SAXO1: variants seen among roughly 807,000 people sequenced by gnomAD.
The protein encoded by SAXO1 is stabilizer of axonemal microtubules 1.
In SAXO1, 21 loss-of-function variants were observed where a neutral mutation model predicts 17.5. That is an observed-to-expected ratio of 1.20 (90% CI 0.85 to 1.72). The LOEUF (loss-of-function observed/expected upper bound fraction) is 1.72. Ranked by LOEUF, SAXO1 falls within the 40% of genes most tolerant of loss-of-function variation. SAXO1 has a pLI of 0.00. For missense variants in SAXO1, 843 were observed against 596.0 expected (o/e 1.41, Z -4.32); for synonymous variants, 274 against 216.5 (o/e 1.27, Z -2.33).
intron 1 of SAXO1, among the ~76,000 whole-genome samples, chr9:18,981,244 C>G (rs73645556): frequency 0.1 from 15,905 of 152,128 alleles, 1,302 homozygotes; most frequent in African/African-American, 0.24. Flanking sequence ...AGAGAAAGCC[C>G]CTACCCACCC....
chr9:18,963,422 C>T (rs891050029), intron 1 of SAXO1, among the ~76,000 whole-genome samples: 1 of 152,054 alleles, frequency 6.6e-6, no homozygotes, highest in Non-Finnish European at 1.5e-5. Flanking sequence ...GATACTGATT[C>T]TTCCTATCCA....
chr9:19,013,521 G>T (rs1002030217), intron 1 of SAXO1, among the ~76,000 whole-genome samples: 3 of 145,450 alleles, frequency 2.1e-5, no homozygotes, highest in Non-Finnish European at 4.5e-5. Context: ...TGGTATTTCA[G>T]AAGAAACTAA....
At chr9:18,981,512 G>T (rs1470997229) in intron 1 of SAXO1, among the ~76,000 whole-genome samples, 2 of 152,072 alleles carry the variant, frequency 1.3e-5, no homozygotes, top group Admixed American at 1.3e-4. Context: ...CTCACACAGA[G>T]CCCAGAGCCC....
At chr9:19,011,848 G>GT (rs10646825) in intron 1 of SAXO1, among the ~76,000 whole-genome samples, 8,426 of 143,384 alleles carry the variant, frequency 0.059, 495 homozygotes, top group African/African-American at 0.085. Context: ...ATTAAGCATA[G>GT]ATTTTTTTTT....
At chr9:19,046,335 A>T (rs1034744843) in intron 1 of SAXO1, among the ~76,000 whole-genome samples, 2 of 152,154 alleles carry the variant, frequency 1.3e-5, no homozygotes, top group Non-Finnish European at 2.9e-5. Context: ...GGATGAGAAA[A>T]ATCTCCTGGA....
intron 1 of SAXO1, among the ~76,000 whole-genome samples, chr9:18,959,904 C>T (rs1832415480): frequency 1.3e-5 from 2 of 152,254 alleles, no homozygotes; most frequent in South Asian, 4.2e-4. Context: ...ACACAGCTGG[C>T]CCAGTGCTGG....
At chr9:18,986,686 C>CA (rs1303453324) in intron 1 of SAXO1, among the ~76,000 whole-genome samples, 3 of 152,042 alleles carry the variant, frequency 2.0e-5, no homozygotes, top group Admixed American at 2.0e-4. Flanking sequence ...AAAATATCTA[C>CA]AAAATTCCAG....
chr9:18,972,708 G>T (rs775299597), intron 1 of SAXO1, among the ~76,000 whole-genome samples: 8 of 152,120 alleles, frequency 5.3e-5, no homozygotes, highest in Non-Finnish European at 8.8e-5. Flanking sequence ...GAAGCCCAGC[G>T]TACCAACAGA....
chr9:19,033,005 G>A lies in SAXO1; in HGVS notation c.-97C>T, dbSNP rs867752619. On this transcript the variant is annotated 5_prime_UTR_variant, in exon 1 of 4. Transcript: ENST00000380534. ...CCTGTCTTGGGGCACGCCCAGGCTC[G>A]AGGGTCTTGGCAGGTGTTCTGTTTA... 1.8e-5 allele frequency: 24 copies of A among 1,323,950 alleles called. No homozygotes were observed. The highest frequency in any genetic ancestry group is 2.4e-5 in the Non-Finnish European group (24 of 982,972). The allele number at this position is 1,323,950 out of a possible 1,614,324, so 82.0% of individuals were successfully genotyped here.
chr9:18,959,133 G>A (rs1012636559), intron 1 of SAXO1, among the ~76,000 whole-genome samples: 1 of 152,084 alleles, frequency 6.6e-6, no homozygotes, highest in African/African-American at 2.4e-5. Flanking sequence ...CTGAAGAAGT[G>A]GTTCAACAGA....
intron 1 of SAXO1, among the ~76,000 whole-genome samples, chr9:19,017,297 A>T (rs1181145900): frequency 2.6e-5 from 4 of 152,226 alleles, no homozygotes; most frequent in African/African-American, 9.7e-5. Context: ...TAACTTCCTG[A>T]ATGACAGGTT....
intron 1 of SAXO1, among the ~76,000 whole-genome samples, chr9:19,044,589 C>T (rs1836158866): frequency 6.6e-6 from 1 of 152,254 alleles, no homozygotes; most frequent in African/African-American, 2.4e-5. Context: ...ATCCGGCGGG[C>T]GCGGTAGCTC....
At chr9:18,959,258 C>A (rs1205905935) in intron 1 of SAXO1, among the ~76,000 whole-genome samples, 1 of 152,182 alleles carries the variant, frequency 6.6e-6, no homozygotes, top group Non-Finnish European at 1.5e-5. Flanking sequence ...AAAATCAGAT[C>A]ATCTTGCAAA....
intron 3 of SAXO1, among the ~76,000 whole-genome samples, chr9:18,936,797 A>T (rs1831312660): frequency 1.3e-5 from 2 of 152,138 alleles, no homozygotes; most frequent in Admixed American, 6.5e-5. Flanking sequence ...AAGTAATTAC[A>T]CTCTCAATCT....
At chr9:18,930,790 C>T (rs1290245608) in intron 3 of SAXO1, among the ~76,000 whole-genome samples, 3 of 152,212 alleles carry the variant, frequency 2.0e-5, no homozygotes, top group Admixed American at 6.5e-5. Context: ...TGAGCCACCA[C>T]GCCCGGCCTA....
At chr9:19,022,059 G>C (rs944236278) in intron 1 of SAXO1, among the ~76,000 whole-genome samples, 1 of 152,214 alleles carries the variant, frequency 6.6e-6, no homozygotes, top group Non-Finnish European at 1.5e-5. Flanking sequence ...CTCACTCCTT[G>C]GGTCCGCACT....
At chr9:18,989,751 G>A (rs1025404305) in intron 1 of SAXO1, among the ~76,000 whole-genome samples, 1 of 152,110 alleles carries the variant, frequency 6.6e-6, no homozygotes, top group Non-Finnish European at 1.5e-5. Context: ...CACTCCAAGT[G>A]GGTTCTCAGC....
At chr9:18,964,316 C>G (rs1355529113) in intron 1 of SAXO1, among the ~76,000 whole-genome samples, 1 of 152,070 alleles carries the variant, frequency 6.6e-6, no homozygotes, top group Non-Finnish European at 1.5e-5. Context: ...CCCTCTTTTT[C>G]TATTGTTTGG....
intron 2 of SAXO1, among the ~76,000 whole-genome samples, chr9:18,946,933 A>T (rs1831820618): frequency 6.6e-6 from 1 of 152,234 alleles, no homozygotes; most frequent in Non-Finnish European, 1.5e-5. Context: ...AACTAGGTTA[A>T]TAGAAACTAT....
Sources: allele counts gnomAD v4.1 joint callset (sites outside exome capture counted in the v4.1 genomes callset), GRCh38; gene constraint gnomAD v4.1.1; transcripts MANE v1.5; gene names NCBI Gene and HGNC (gene_info 2026-07-23, HGNC 2026-07-21).